RBM47: variants seen among roughly 807,000 people sequenced by gnomAD.
RBM47 encodes the protein RNA-binding protein 47.
A neutral mutation model predicts 47.1 loss-of-function variants in RBM47; 21 were observed. That is an observed-to-expected ratio of 0.45 (90% confidence interval 0.32 to 0.64). The LOEUF (loss-of-function observed/expected upper bound fraction) is 0.64, where lower values mean the gene tolerates loss of function less well. Among genes scored for constraint, RBM47 ranks in the 30% least tolerant of loss-of-function variants. The probability of loss-of-function intolerance (pLI) is 0.05; values close to 1 mark genes in which losing one functional copy is unlikely to be tolerated. For synonymous variants in RBM47, 375 were observed against 361.7 expected, an observed-to-expected ratio of 1.04 and a Z score of -0.42; for missense variants, 708 against 870.9, an observed-to-expected ratio of 0.81 and a Z score of 2.35.
At chr4:40,429,555 T>C (rs1019293739) in intron 6 of RBM47, among the ~76,000 whole-genome samples, 1 of 151,648 alleles carries the variant, frequency 6.6e-6, no homozygotes, top group Admixed American at 6.6e-5. Flanking sequence ...ATGATGGTAG[T>C]GGGAGAAACA....
intron 1 of RBM47, among the ~76,000 whole-genome samples, chr4:40,547,563 T>C (rs963612760): frequency 4.6e-5 from 7 of 152,158 alleles, no homozygotes; most frequent in Non-Finnish European, 1.0e-4. Flanking sequence ...TGGTATTTTG[T>C]TATGGCAGCC....
intron 3 of RBM47, among the ~76,000 whole-genome samples, chr4:40,449,857 T>TC (rs1169350896): frequency 2.0e-5 from 3 of 151,964 alleles, no homozygotes; most frequent in Non-Finnish European, 4.4e-5. Context: ...TTTTGTACTT[T>TC]TTTTAGTAGA....
At chr4:40,431,396 C>T (rs993711377) in intron 6 of RBM47, among the ~76,000 whole-genome samples, 4 of 152,046 alleles carry the variant, frequency 2.6e-5, no homozygotes, top group Non-Finnish European at 4.4e-5. Flanking sequence ...CGGTGGCTCA[C>T]GCCTGTAATC....
chr4:40,555,570 AC>A (rs535663457), intron 1 of RBM47, among the ~76,000 whole-genome samples: 86 of 152,308 alleles, frequency 5.6e-4, no homozygotes, highest in Middle Eastern at 6.8e-3. Context: ...AACACATCTG[AC>A]CCAATGGGTT....
At chr4:40,479,004 C>A (rs1577737765) in intron 2 of RBM47, among the ~76,000 whole-genome samples, 1 of 152,282 alleles carries the variant, frequency 6.6e-6, no homozygotes, top group Non-Finnish European at 1.5e-5. Flanking sequence ...CAGATGGTAG[C>A]CTTCACCTGA....
At chr4:40,471,435 C>T (rs565712737) in intron 2 of RBM47, among the ~76,000 whole-genome samples, 17 of 152,244 alleles carry the variant, frequency 1.1e-4, no homozygotes, top group East Asian at 1.9e-4. Flanking sequence ...CAGTGGCTCA[C>T]GCCTGTAATC....
chr4:40,475,224 C>T (rs1452071681), intron 2 of RBM47, among the ~76,000 whole-genome samples: 2 of 152,138 alleles, frequency 1.3e-5, no homozygotes, highest in Admixed American at 1.3e-4. Flanking sequence ...CCTTTATATG[C>T]TAATTATCAT....
chr4:40,562,020 C>T (rs1042261370), intron 1 of RBM47, among the ~76,000 whole-genome samples: 7 of 152,160 alleles, frequency 4.6e-5, no homozygotes, highest in African/African-American at 1.7e-4. Context: ...CATGTGACTA[C>T]TTACTCATTT....
chr4:40,435,299 A>G (rs1166265721), intron 5 of RBM47, among the ~76,000 whole-genome samples: 1 of 152,194 alleles, frequency 6.6e-6, no homozygotes, highest in East Asian at 1.9e-4. Context: ...CTGTAATCCC[A>G]GCACTTTGGG....
intron 2 of RBM47, among the ~76,000 whole-genome samples, chr4:40,530,038 C>T (rs1448546785): frequency 6.4e-5 from 9 of 141,532 alleles, no homozygotes; most frequent in African/African-American, 1.1e-4. Flanking sequence ...CGGGTTCAAG[C>T]GATTCTCCTG....
chr4:40,506,247 G>A (rs1464079395), intron 2 of RBM47, among the ~76,000 whole-genome samples: 1 of 152,152 alleles, frequency 6.6e-6, no homozygotes, highest in African/African-American at 2.4e-5. Flanking sequence ...CTTAAACAAT[G>A]GCTAATTTAA....
At chr4:40,624,879 T>G (rs1212345872) in intron 1 of RBM47, among the ~76,000 whole-genome samples, 58 of 100,342 alleles carry the variant, frequency 5.8e-4, no homozygotes, top group East Asian at 4.8e-3. Flanking sequence ...TTTTTTTTTT[T>G]TTGTTGTTGT....
chr4:40,613,203 C>A (rs572583825), intron 1 of RBM47, among the ~76,000 whole-genome samples: 1 of 152,236 alleles, frequency 6.6e-6, no homozygotes, highest in Non-Finnish European at 1.5e-5. Flanking sequence ...AGTCAAGATA[C>A]AGTCTTAATA....
chr4:40,545,735 T>C (rs1182709166), intron 1 of RBM47, among the ~76,000 whole-genome samples: 1 of 147,048 alleles, frequency 6.8e-6, no homozygotes, highest in African/African-American at 2.5e-5. Context: ...AGAGGAAATG[T>C]ATAAAAAGTG....
chr4:40,504,436 G>A (rs1577826700), intron 2 of RBM47, among the ~76,000 whole-genome samples: 1 of 151,788 alleles, frequency 6.6e-6, no homozygotes, highest in Non-Finnish European at 1.5e-5. Flanking sequence ...GATTACAGGT[G>A]CCCGCCACCA....
chr4:40,604,315 C>T (rs1303856649), intron 1 of RBM47, among the ~76,000 whole-genome samples: 1 of 152,152 alleles, frequency 6.6e-6, no homozygotes, highest in Non-Finnish European at 1.5e-5. Context: ...GACAGAGTAA[C>T]AACATGCTGC....
chr4:40,569,160 G>A (rs1731432831), intron 1 of RBM47, among the ~76,000 whole-genome samples: 1 of 151,848 alleles, frequency 6.6e-6, no homozygotes, highest in South Asian at 2.1e-4. Flanking sequence ...AAGATAACCA[G>A]GTGCATGAAT....
At chr4:40,440,024 C>T (rs947364719) in intron 3 of RBM47, among the ~76,000 whole-genome samples, 2 of 152,080 alleles carry the variant, frequency 1.3e-5, no homozygotes, top group Non-Finnish European at 2.9e-5. Flanking sequence ...TGAACTGTGC[C>T]GCCTTCACTT....
chr4:40,476,708 G>A (rs936457721), intron 2 of RBM47, among the ~76,000 whole-genome samples: 1 of 152,142 alleles, frequency 6.6e-6, no homozygotes, highest in Admixed American at 6.6e-5. Context: ...AGAGGAAAAG[G>A]GAGCTGAAGT....
Sources: gnomAD v4.1 joint callset for allele counts (sites outside exome capture counted in the v4.1 genomes callset) on GRCh38, gnomAD v4.1.1 for gene constraint, MANE v1.5 for transcripts, NCBI Gene and HGNC (gene_info 2026-07-23, HGNC 2026-07-21) for gene names.